The following NF1 variants were observed in gnomAD, a reference collection of about 807,000 sequenced individuals.
NF1 encodes the protein neurofibromin 1.
NF1 carries 122 observed loss-of-function variants against 325.7 expected under a neutral mutation model. The ratio of observed to expected loss-of-function variants is 0.37; its 90% CI spans 0.32 to 0.44. NF1 has a LOEUF of 0.44. Among genes scored for constraint, NF1 ranks in the 20% least tolerant of loss-of-function variants. The probability of loss-of-function intolerance (pLI) is 1.00; values close to 1 mark genes in which losing one functional copy is unlikely to be tolerated. For synonymous variants in NF1, 1,091 were observed against 1,186.0 expected (o/e 0.92, Z 1.65); for missense variants, 2,140 against 3,415.4 (o/e 0.63, Z 9.31).
At chr17:31,295,578 T>A in intron 36 of NF1, 1 of 1,614,066 alleles carries the variant, frequency 6.2e-7, no homozygotes, top group Non-Finnish European at 8.5e-7. Flanking sequence ...GAACATGGAG[T>A]CCCTATCACA....
intron 29 of NF1, among the ~76,000 whole-genome samples, chr17:31,242,305 C>CT (rs200376987): frequency 0.049 from 3,368 of 68,818 alleles, 1,025 homozygotes; most frequent in African/African-American, 0.13. Flanking sequence ...CATAAGTTCT[C>CT]TTTTTTTTTT....
rs1380369269 is a variant in NF1, at chr17:31,360,847, C to A, written c.8377+144C>A. 3 of 742,166 alleles carry A rather than the reference C, an allele frequency of 4.0e-6. No individual in the cohort carries two copies. In the East Asian group the frequency reaches 7.7e-5, roughly 19 times the overall value. 46.0% of individuals were successfully genotyped at this position (742,166 alleles called of 1,614,324 possible). A position where few individuals can be genotyped will look rare whatever the true frequency, so the allele number is the denominator to read the frequency against. On this transcript the variant is annotated intron_variant, in intron 57 of 57. Coordinates refer to ENST00000358273, the MANE Select transcript of NF1 (RefSeq NM_001042492.3). ...CATTTCTTCTTTACCTTGTAACTGA[C>A]TTGACTTTTGTTATTCTATGAAGCT...
intron 1 of NF1, among the ~76,000 whole-genome samples, chr17:31,150,380 C>T (rs970394112): frequency 8.5e-5 from 13 of 152,144 alleles, no homozygotes; most frequent in East Asian, 3.9e-4. Flanking sequence ...TAACACACCA[C>T]GCACCACCAG....
chr17:31,109,305 G>A (rs1913189766), intron 1 of NF1, among the ~76,000 whole-genome samples: 2 of 152,006 alleles, frequency 1.3e-5, no homozygotes, highest in African/African-American at 4.8e-5. Flanking sequence ...CAGGGAGGTG[G>A]GCTCTTCATG....
chr17:31,119,228 A>G (rs1914226912), intron 1 of NF1, among the ~76,000 whole-genome samples: 1 of 152,088 alleles, frequency 6.6e-6, no homozygotes, highest in Admixed American at 6.6e-5. Context: ...GGTGTGAGCC[A>G]CCGCGCCTGG....
chr17:31,233,089 C>A lies in NF1; in HGVS notation c.3584C>A (p.Thr1195Lys), dbSNP rs2151435499. 1 of 1,614,194 alleles carries A rather than the reference C, an allele frequency of 6.2e-7. No homozygotes were observed. Among genetic ancestry groups the A allele is most frequent in the East Asian group, 2.2e-5 (1 of 44,888 alleles). The change falls in exon 27 of 58, where the codon ACA (threonine) becomes AAA (lysine). Residue 1195 changes from threonine to lysine, a missense_variant. Transcript: ENST00000358273. ...KILQQGTEFDTLAETVLADRF... is the reference protein window; with the variant it reads ...KILQQGTEFDKLAETVLADRF... ...CTTCAACAAGGCACAGAATTTGACA[C>A]ACTTGCAGAAACAGTATTGGCTGAT...
intron 8 of NF1, among the ~76,000 whole-genome samples, chr17:31,184,680 AT>A (rs1474982877): frequency 1.3e-5 from 2 of 151,558 alleles, no homozygotes; most frequent in Admixed American, 6.6e-5. Flanking sequence ...AAATAAAAAA[AT>A]AAAATAGAAA....
rs1463146814 is a variant in NF1 at position 31,095,059 on chromosome 17, C to T, written c.-251C>T. 8 of 536,788 alleles carry T rather than the reference C, an allele frequency of 1.5e-5. No individual in the cohort carries two copies. The highest frequency in any genetic ancestry group is 2.5e-5 in the South Asian group (1 of 40,814). The allele number at this position is 536,788 out of a possible 1,614,324, so 33.3% of individuals were successfully genotyped here. A position where few individuals can be genotyped will look rare whatever the true frequency, so the allele number is the denominator to read the frequency against. On this transcript the variant is annotated 5_prime_UTR_variant, in exon 1 of 58. Transcript: ENST00000358273. ...GCTAGTGGGGAGAGCGACCAAGAGG[C>T]CCCCTCCCCTCCCCGGGTCCCCTTC...
At chr17:31,133,580 A>C (rs912506950) in intron 1 of NF1, 1 of 152,144 alleles carries the variant, frequency 6.6e-6, no homozygotes, top group Non-Finnish European at 1.5e-5. Context: ...AGGTATATGC[A>C]CTATTTTACT....
chr17:31,253,094 G>T, intron 31 of NF1, 94 bp downstream of exon 31: 1 of 933,330 alleles, frequency 1.1e-6, no homozygotes. Context: ...CAGCCTATTT[G>T]ACCTTCACTG....
intron 36 of NF1, among the ~76,000 whole-genome samples, chr17:31,310,646 T>C (rs190405244): frequency 3.9e-5 from 6 of 152,212 alleles, no homozygotes; most frequent in South Asian, 2.1e-4. Flanking sequence ...CCTTTTTTTT[T>C]CCCTGACACT....
intron 24 of NF1, 59 bp from the exon 25 acceptor site, chr17:31,232,014 A>C: frequency 9.7e-7 from 1 of 1,031,114 alleles, no homozygotes; most frequent in Non-Finnish European, 1.4e-6. Flanking sequence ...AGGGGAAGTG[A>C]AAGAACTTGA....
chr17:31,347,026 G>GA (rs71278515), intron 48 of NF1, among the ~76,000 whole-genome samples: 7,334 of 144,608 alleles, frequency 0.051, 247 homozygotes, highest in Middle Eastern at 0.16. Flanking sequence ...CTTTTATTGT[G>GA]AAAAAAAAAA....
chr17:31,274,182 T>G (rs1468734970), intron 36 of NF1, among the ~76,000 whole-genome samples: 1 of 152,222 alleles, frequency 6.6e-6, no homozygotes, highest in Admixed American at 6.5e-5. Context: ...ATACTGAGTT[T>G]ACAAACTTTT....
chr17:31,337,120 T>A (rs1460019882), intron 42 of NF1, among the ~76,000 whole-genome samples: 1 of 152,212 alleles, frequency 6.6e-6, no homozygotes, highest in African/African-American at 2.4e-5. Context: ...TATGCATACT[T>A]GTCATGTAGA....
At chr17:31,176,752 T>G (rs961451061) in intron 5 of NF1, among the ~76,000 whole-genome samples, 1 of 152,226 alleles carries the variant, frequency 6.6e-6, no homozygotes, top group Non-Finnish European at 1.5e-5. Flanking sequence ...CAGTACCATT[T>G]ATTAAATAGG....
rs746079009 is a variant in NF1 at position 31,304,432 on chromosome 17, T to C, written c.4836-21388T>C. Reference sequence around the variant, plus strand: ...AAGTGAGTCAAGCGGTGGAAATGATTGTATTATCTCAGATTTATGATCTCC... The same window carrying C: ...AAGTGAGTCAAGCGGTGGAAATGATCGTATTATCTCAGATTTATGATCTCC... On this transcript the variant is annotated intron_variant, in intron 36 of 57. Coordinates refer to ENST00000358273, the MANE Select transcript of NF1 (RefSeq NM_001042492.3). The C allele has an allele frequency of 1.5e-5, 24 of 1,614,006 alleles. No homozygotes were observed. The highest frequency in any genetic ancestry group is 2.2e-5 in the East Asian group (1 of 44,880).
chr17:31,259,259 A>G (rs2067643064), intron 33 of NF1, 130 bp downstream of exon 33: 2 of 607,312 alleles, frequency 3.3e-6, no homozygotes, highest in Non-Finnish European at 6.1e-6. Context: ...AGGTCAAGAC[A>G]TAGCTTGTCT....
intron 6 of NF1, 94 bp from the exon 7 acceptor site, chr17:31,181,616 G>T: frequency 7.9e-7 from 1 of 1,270,414 alleles, no homozygotes; most frequent in Admixed American, 1.7e-5. Context: ...AGAATACATT[G>T]TAATATTATT....
Sources: allele counts gnomAD v4.1 joint callset (sites outside exome capture counted in the v4.1 genomes callset), GRCh38; gene constraint gnomAD v4.1.1; transcripts MANE v1.5; gene names NCBI Gene and HGNC (gene_info 2026-07-23, HGNC 2026-07-21).